TBL1XR1: variants seen among roughly 807,000 people sequenced by gnomAD.
TBL1XR1 encodes the protein TBL1X/Y related 1, also known as F-box-like/WD repeat-containing protein TBL1XR1.
Under a neutral mutation model 66.9 loss-of-function variants are expected in TBL1XR1, and 5 were observed. That is an observed-to-expected ratio of 0.07 (90% CI 0.04 to 0.16). The LOEUF is 0.16. Among genes scored for constraint, TBL1XR1 ranks in the 10% least tolerant of loss-of-function variants. TBL1XR1 has a pLI of 1.00. For synonymous variants in TBL1XR1, 210 were observed against 206.0 expected, an observed-to-expected ratio of 1.02 and a Z score of -0.17; for missense variants, 238 against 623.2, an observed-to-expected ratio of 0.38 and a Z score of 6.58.
intron 1 of TBL1XR1, among the ~76,000 whole-genome samples, chr3:177,191,919 C>G (rs551782433): frequency 1.3e-5 from 2 of 151,304 alleles, no homozygotes; most frequent in South Asian, 4.2e-4. Flanking sequence ...ATGGTGAAAC[C>G]CCATCTCTAC....
rs1253768726 is a variant in TBL1XR1 at position 177,025,339 on chromosome 3, C to T, written c.*159G>A. ...ACAAAACTCTGTCATCTTCAGGGTG[C>T]AATTTTGTTTATATACACTGTATGT... On this transcript the variant is annotated 3_prime_UTR_variant, in exon 16 of 16. Coordinates refer to ENST00000457928, the MANE Select transcript of TBL1XR1 (RefSeq NM_024665.7). 4 of 526,926 alleles carry T rather than the reference C, an allele frequency of 7.6e-6. No individual in the cohort carries two copies. The highest frequency in any genetic ancestry group is 9.5e-6 in the Non-Finnish European group (3 of 315,760). The allele number at this position is 526,926 out of a possible 1,614,324, so 32.6% of individuals were successfully genotyped here. A position where few individuals can be genotyped will look rare whatever the true frequency, so the allele number is the denominator to read the frequency against.
intron 2 of TBL1XR1, among the ~76,000 whole-genome samples, chr3:177,068,771 A>C (rs1719488535): frequency 6.6e-6 from 1 of 152,184 alleles, no homozygotes; most frequent in African/African-American, 2.4e-5. Flanking sequence ...CATAATTTTA[A>C]ATCTAGATGA....
At chr3:177,131,448 A>C (rs552984972) in intron 1 of TBL1XR1, 1 of 936,718 alleles carries the variant, frequency 1.1e-6, no homozygotes, top group African/African-American at 1.8e-5. Flanking sequence ...TTATTCCCAC[A>C]CCTAAAAGTT....
chr3:177,167,558 G>C (rs1732971532), intron 1 of TBL1XR1, among the ~76,000 whole-genome samples: 1 of 152,144 alleles, frequency 6.6e-6, no homozygotes, highest in African/African-American at 2.4e-5. Context: ...TGGTAACTGG[G>C]GACACGAGGC....
At chr3:177,168,493 G>A (rs1355336569) in intron 1 of TBL1XR1, among the ~76,000 whole-genome samples, 2 of 152,070 alleles carry the variant, frequency 1.3e-5, no homozygotes, top group Non-Finnish European at 2.9e-5. Context: ...TATTAGCCAG[G>A]CTGGTCTTGA....
At chr3:177,147,482 C>G (rs551867289) in intron 1 of TBL1XR1, among the ~76,000 whole-genome samples, 1 of 152,286 alleles carries the variant, frequency 6.6e-6, no homozygotes, top group East Asian at 1.9e-4. Context: ...AATGTCAACA[C>G]AGTGAAAGAA....
chr3:177,125,452 C>CA (rs1727496373), intron 1 of TBL1XR1, among the ~76,000 whole-genome samples: 1 of 152,132 alleles, frequency 6.6e-6, no homozygotes, highest in African/African-American at 2.4e-5. Context: ...GGTGGAAATG[C>CA]AAAATGCTGC....
intron 1 of TBL1XR1, chr3:177,126,086 T>G (rs1422875228): frequency 6.6e-6 from 1 of 152,056 alleles, no homozygotes; most frequent in African/African-American, 2.4e-5. Context: ...TTTGTATCAT[T>G]CCAATTTTAA....
intron 1 of TBL1XR1, among the ~76,000 whole-genome samples, chr3:177,152,475 T>A (rs901401197): frequency 2.6e-5 from 4 of 152,130 alleles, no homozygotes; most frequent in African/African-American, 9.7e-5. Context: ...TTAGTAGAGA[T>A]GGGGTTTCGC....
In TBL1XR1 at chr3:177,063,156, T is replaced by C. The variant is rs548260322; in HGVS notation, c.58+1764A>G. Among the ~76,000 whole-genome samples, 36 of 152,238 alleles carry C rather than the reference T, an allele frequency of 2.4e-4. No individual in the cohort carries two copies. The South Asian group carries it at 6.6e-3, about 28-fold the overall frequency. Reference sequence around the variant, plus strand: ...CAAAAAAACCCACAACTTTTGATAATATTTAATCTACTCGTTCAGAAATTA... The same window carrying C: ...CAAAAAAACCCACAACTTTTGATAACATTTAATCTACTCGTTCAGAAATTA... On this transcript the variant is annotated intron_variant, in intron 3 of 15. Transcript: ENST00000457928.
intron 1 of TBL1XR1, among the ~76,000 whole-genome samples, chr3:177,118,170 C>G (rs1268240836): frequency 1.3e-5 from 2 of 152,192 alleles, no homozygotes; most frequent in African/African-American, 2.4e-5. Context: ...TAGTTCTATT[C>G]CATGCGAATA....
Position 177,034,150 on chromosome 3 carries a change from CTGATT to C in TBL1XR1, c.1250+43_1250+47del, listed in dbSNP as rs1714424208. The C allele has an allele frequency of 2.6e-6, 4 of 1,541,488 alleles. No homozygotes were observed. The East Asian group carries it at 9.6e-5, about 37-fold the overall frequency. On this transcript the variant is annotated intron_variant, in intron 13 of 15. Coordinates refer to ENST00000457928, the MANE Select transcript of TBL1XR1 (RefSeq NM_024665.7). ...AACTTCTGTCATATCTATTGGAAGT[CTGATT>C]TGTAGAAGACTCATAAAAGGAAAAA...
chr3:177,106,234 G>A (rs1035988939), intron 1 of TBL1XR1, among the ~76,000 whole-genome samples: 1 of 152,184 alleles, frequency 6.6e-6, no homozygotes, highest in Non-Finnish European at 1.5e-5. Context: ...GTAGTAGGCA[G>A]AAGTTATAGA....
chr3:177,117,017 C>T (rs1231767102), intron 1 of TBL1XR1, among the ~76,000 whole-genome samples: 2 of 152,062 alleles, frequency 1.3e-5, no homozygotes, highest in East Asian at 1.9e-4. Context: ...CAACATGACC[C>T]GGTTTCTAAA....
chr3:177,081,538 C>T (rs1721389126), intron 2 of TBL1XR1, among the ~76,000 whole-genome samples: 1 of 151,786 alleles, frequency 6.6e-6, no homozygotes, highest in South Asian at 2.1e-4. Context: ...TCATTTGAGC[C>T]CAGGAGTTCT....
At position 177,032,967 on chromosome 3, in the gene TBL1XR1, A is replaced by G. The variant is rs760434778; in HGVS notation, c.1416+4T>C. ...ACTTGACCATTTAAATAATGAAGAC[A>G]TACCTGCGTGTTCCAGATGTGTACA... is the stretch of plus-strand genomic sequence containing the variant. On this transcript the variant is annotated splice_donor_region_variant and intron_variant, in intron 14 of 15. Coordinates refer to ENST00000457928, the MANE Select transcript of TBL1XR1 (RefSeq NM_024665.7). The G allele has an allele frequency of 1.3e-5, 20 of 1,567,844 alleles. No homozygotes were observed. In the East Asian group the frequency reaches 3.6e-4, roughly 28 times the overall value.
chr3:177,100,298 C>CTA (rs1447661477), intron 1 of TBL1XR1, among the ~76,000 whole-genome samples: 2 of 152,122 alleles, frequency 1.3e-5, no homozygotes, highest in African/African-American at 4.8e-5. Flanking sequence ...ATTTACAGTG[C>CTA]TATAATATTT....
At chr3:177,114,187 C>T (rs1291139896) in intron 1 of TBL1XR1, among the ~76,000 whole-genome samples, 3 of 151,216 alleles carry the variant, frequency 2.0e-5, no homozygotes, top group African/African-American at 4.9e-5. Context: ...TAGATTCAAC[C>T]ATTCCTCTCT....
intron 1 of TBL1XR1, among the ~76,000 whole-genome samples, chr3:177,173,216 T>A (rs1479694909): frequency 6.6e-6 from 1 of 152,012 alleles, no homozygotes; most frequent in African/African-American, 2.4e-5. Context: ...CAAAACACCA[T>A]ATTTCTTAAT....
Sources: allele counts gnomAD v4.1 joint callset (sites outside exome capture counted in the v4.1 genomes callset), GRCh38; gene constraint gnomAD v4.1.1; transcripts MANE v1.5; gene names NCBI Gene and HGNC (gene_info 2026-07-23, HGNC 2026-07-21).